Variants in BAALC observed in about 807,000 individuals in gnomAD.
BAALC encodes BAALC binder of MAP3K1 and KLF4.
In BAALC, 9 loss-of-function variants were observed where a neutral mutation model predicts 15.5. The ratio of observed to expected loss-of-function variants is 0.58; its 90% confidence interval spans 0.35 to 1.02. BAALC has a LOEUF of 1.02. Ranked by LOEUF, BAALC falls within the 50% of genes least tolerant of loss-of-function variation. The pLI, the probability that BAALC is intolerant of heterozygous loss-of-function variation, is 0.02. For missense variants in BAALC, 201 were observed against 192.4 expected, an observed-to-expected ratio of 1.04 and a Z score of -0.27; for synonymous variants, 80 against 74.6, an observed-to-expected ratio of 1.07 and a Z score of -0.37.
chr8:103,150,268 A>G (rs1051970670), intron 1 of BAALC, among the ~76,000 whole-genome samples: 1 of 152,140 alleles, frequency 6.6e-6, no homozygotes, highest in African/African-American at 2.4e-5. Flanking sequence ...ATTGTGGGAG[A>G]TACAATTCAA....
chr8:103,215,488 C>T (rs1010393800), intron 2 of BAALC, among the ~76,000 whole-genome samples: 5 of 68 alleles, frequency 0.074, no homozygotes, highest in Non-Finnish European at 0.1. Context: ...GAGACAACAC[C>T]CTCCCGCCAC....
chr8:103,195,802 A>G (rs1229516633), intron 1 of BAALC, among the ~76,000 whole-genome samples: 4 of 152,248 alleles, frequency 2.6e-5, no homozygotes, highest in African/African-American at 7.2e-5. Flanking sequence ...TCTGGCAACC[A>G]GCTAAACAGT....
intron 1 of BAALC, chr8:103,183,496 G>T (rs960443658): frequency 1.1e-5 from 8 of 702,308 alleles, no homozygotes; most frequent in Non-Finnish European, 1.8e-5. Context: ...GGGGGGACCA[G>T]ATCTGGGGAG....
intron 1 of BAALC, among the ~76,000 whole-genome samples, chr8:103,182,425 C>CG (rs1212010525): frequency 6.6e-6 from 1 of 152,192 alleles, no homozygotes; most frequent in East Asian, 1.9e-4. Context: ...TGGTTATATA[C>CG]GGAACACCTG....
chr8:103,186,905 T>A (rs551773485), intron 1 of BAALC, among the ~76,000 whole-genome samples: 2 of 152,214 alleles, frequency 1.3e-5, no homozygotes, highest in Non-Finnish European at 2.9e-5. Flanking sequence ...TGGATATAAA[T>A]GAGCTGACAT....
At chr8:103,168,032 T>C (rs1811387539) in intron 1 of BAALC, among the ~76,000 whole-genome samples, 2 of 152,228 alleles carry the variant, frequency 1.3e-5, no homozygotes, top group African/African-American at 4.8e-5. Flanking sequence ...TATAATTAAC[T>C]AGTTGTGTAA....
intron 1 of BAALC, among the ~76,000 whole-genome samples, chr8:103,188,346 T>G (rs569761562): frequency 1.3e-5 from 2 of 152,128 alleles, no homozygotes; most frequent in African/African-American, 2.4e-5. Flanking sequence ...TCTACAAGAA[T>G]GCTGAGTGTG....
Position 103,212,971 on chromosome 8 carries a change from AG to A in BAALC, c.215del (p.Gly72ValfsTer27). 1 of 1,614,142 alleles carries A rather than the reference AG, an allele frequency of 6.2e-7. No individual in the cohort carries two copies. Among genetic ancestry groups the A allele is most frequent in the Non-Finnish European group, 8.5e-7 (1 of 1,179,976 alleles). On this transcript the variant is annotated frameshift_variant, in exon 2 of 3. Transcript: ENST00000309982. LOFTEE classifies it high-confidence loss of function. ...ATGGTGTGCCCCGATCTACAGCCCCAGGTGGAATACCCAACCCAGAGAAGAA... is the reference window on the plus strand; with the variant it reads ...ATGGTGTGCCCCGATCTACAGCCCCAGTGGAATACCCAACCCAGAGAAGAA... ...SNGVPRSTAP[G>X]GIPNPEKKTN...
chr8:103,221,464 CT>C (rs11336485), intron 2 of BAALC, among the ~76,000 whole-genome samples: 11,323 of 144,972 alleles, frequency 0.078, 491 homozygotes, highest in Non-Finnish European at 0.11. Flanking sequence ...GGGGGCCATA[CT>C]TTTTTTTTTT....
intron 1 of BAALC, among the ~76,000 whole-genome samples, chr8:103,180,184 A>G (rs1811694577): frequency 6.6e-6 from 1 of 152,224 alleles, no homozygotes; most frequent in Non-Finnish European, 1.5e-5. Context: ...AGTGGGAGGA[A>G]TGCAATTCTG....
intron 2 of BAALC, among the ~76,000 whole-genome samples, chr8:103,224,873 C>T (rs1047796411): frequency 1.3e-5 from 2 of 151,996 alleles, no homozygotes; most frequent in African/African-American, 2.4e-5. Flanking sequence ...TAAATAAAAC[C>T]CATCTGATGA....
intron 1 of BAALC, among the ~76,000 whole-genome samples, chr8:103,197,911 G>A (rs1307758914): frequency 6.6e-6 from 1 of 152,172 alleles, no homozygotes; most frequent in Admixed American, 6.5e-5. Flanking sequence ...ATTTCAAGAC[G>A]AGATTTGGAG....
intron 1 of BAALC, among the ~76,000 whole-genome samples, chr8:103,143,851 C>G (rs1417145872): frequency 6.6e-6 from 1 of 152,200 alleles, no homozygotes; most frequent in Non-Finnish European, 1.5e-5. Context: ...CTTCCTAGAG[C>G]CCCTTCTGCC....
Position 103,228,262 on chromosome 8 carries a change from T to C in BAALC, c.*163T>C. On this transcript the variant is annotated 3_prime_UTR_variant, in exon 3 of 3. Transcript: ENST00000309982. ...TGGCAGCAAACTGCTGCCTGATTTG[T>C]TGGGACCTTCTGAGCCTTCTACTTA... 6.7e-6 allele frequency: 4 copies of C among 598,462 alleles called. No homozygotes were observed. The highest frequency in any genetic ancestry group is 8.9e-6 in the Non-Finnish European group (3 of 336,634). The allele number at this position is 598,462 out of a possible 1,614,324, so 37.1% of individuals were successfully genotyped here. A position where few individuals can be genotyped will look rare whatever the true frequency, so the allele number is the denominator to read the frequency against.
chr8:103,150,564 G>T (rs1810964747), intron 1 of BAALC, among the ~76,000 whole-genome samples: 1 of 152,200 alleles, frequency 6.6e-6, no homozygotes, highest in South Asian at 2.1e-4. Context: ...TCTGTGTAAT[G>T]AAGCAAAACC....
chr8:103,210,479 C>T (rs1812426026), intron 1 of BAALC, among the ~76,000 whole-genome samples: 1 of 152,244 alleles, frequency 6.6e-6, no homozygotes, highest in African/African-American at 2.4e-5. Flanking sequence ...GTCTTAGCAA[C>T]TCTGCCAGTC....
chr8:103,179,130 G>C (rs943064563), intron 1 of BAALC, among the ~76,000 whole-genome samples: 3 of 152,188 alleles, frequency 2.0e-5, no homozygotes, highest in Admixed American at 2.0e-4. Flanking sequence ...ATTGTAAACT[G>C]TTTGGCCCTA....
At chr8:103,146,852 C>T (rs1172973854) in intron 1 of BAALC, among the ~76,000 whole-genome samples, 1 of 152,234 alleles carries the variant, frequency 6.6e-6, no homozygotes, top group Admixed American at 6.5e-5. Flanking sequence ...TAGGCAGCCT[C>T]ATGTTCCCAT....
chr8:103,189,411 C>T (rs1424061185), intron 1 of BAALC, among the ~76,000 whole-genome samples: 3 of 152,188 alleles, frequency 2.0e-5, no homozygotes, highest in Non-Finnish European at 4.4e-5. Context: ...AACTGAAATA[C>T]TAAAACTCCC....
Sources: gnomAD v4.1 joint callset for allele counts (sites outside exome capture counted in the v4.1 genomes callset) on GRCh38, gnomAD v4.1.1 for gene constraint, MANE v1.5 for transcripts, NCBI Gene and HGNC (gene_info 2026-07-23, HGNC 2026-07-21) for gene names.